The following POU6F2 variants were observed in gnomAD, a reference collection of about 807,000 sequenced individuals.
POU6F2 encodes the protein POU class 6 homeobox 2.
A neutral mutation model predicts 71.3 loss-of-function variants in POU6F2; 31 were observed. The observed-to-expected ratio is 0.43, with a 90% CI of 0.33 to 0.59. The LOEUF (loss-of-function observed/expected upper bound fraction) is 0.59, where lower values mean the gene tolerates loss of function less well. Among genes scored for constraint, POU6F2 ranks in the 20% least tolerant of loss-of-function variants. The pLI is 0.04. For missense variants in POU6F2, 783 were observed against 856.8 expected, an observed-to-expected ratio of 0.91 and a Z score of 1.07; for synonymous variants, 347 against 355.7, an observed-to-expected ratio of 0.98 and a Z score of 0.27.
Position 39,433,236 on chromosome 7 carries a change from A to C in POU6F2, c.1273A>C (p.Ile425Leu). Residue 425 changes from isoleucine to leucine, a missense_variant, in exon 7 of 10, where the codon ATC becomes CTC. Ile to Leu is a conservative substitution (Grantham distance 5). This residue lies in a region of POU6F2 where 572 missense variants were observed against 572.9 expected (regional missense o/e 1.00). Transcript: ENST00000518318. ...TVIGNQILPV[I>L]NTQGITLSPI... ...CATTGGGAACCAGATCCTGCCCGTG[A>C]TCAACACCCAGGGCATCACGCTGTC... The C allele has an allele frequency of 6.2e-7, 1 of 1,613,868 alleles. No individual in the cohort carries two copies. Among genetic ancestry groups the C allele is most frequent in the South Asian group, 1.1e-5 (1 of 91,076 alleles).
intron 7 of POU6F2, among the ~76,000 whole-genome samples, chr7:39,440,133 C>T (rs1344621700): frequency 2.6e-5 from 4 of 152,100 alleles, no homozygotes; most frequent in Admixed American, 6.5e-5. Context: ...TTCATTTTGC[C>T]CTTGGAGAAT....
intron 1 of POU6F2, among the ~76,000 whole-genome samples, chr7:39,027,550 G>T (rs964043476): frequency 1.3e-5 from 2 of 152,158 alleles, no homozygotes; most frequent in Admixed American, 1.3e-4. Context: ...TCCAATCAGA[G>T]CAGCTCTGCT....
intron 1 of POU6F2, among the ~76,000 whole-genome samples, chr7:39,000,156 T>C (rs910738031): frequency 4.6e-5 from 7 of 152,160 alleles, no homozygotes; most frequent in African/African-American, 1.7e-4. Context: ...TGGAGTTAAA[T>C]GCTTCTCCTC....
At chr7:39,208,042 A>G (rs1317993902) in intron 4 of POU6F2, among the ~76,000 whole-genome samples, 1 of 152,218 alleles carries the variant, frequency 6.6e-6, no homozygotes. Flanking sequence ...CAAATACAAG[A>G]TATTATTTGG....
At chr7:39,342,107 C>T (rs1279675172) in intron 5 of POU6F2, among the ~76,000 whole-genome samples, 5 of 152,266 alleles carry the variant, frequency 3.3e-5, no homozygotes, top group African/African-American at 9.6e-5. Context: ...GGAGCTGTTA[C>T]TCTAACTTCT....
intron 4 of POU6F2, among the ~76,000 whole-genome samples, chr7:39,276,758 T>C (rs1784447611): frequency 6.6e-6 from 1 of 152,008 alleles, no homozygotes; most frequent in Non-Finnish European, 1.5e-5. Context: ...TGTAGGGACA[T>C]GGATGAAATT....
At position 39,295,771 on chromosome 7, in the gene POU6F2, A is replaced by G. The variant is rs796218487; in HGVS notation, c.599-43871A>G. Among the ~76,000 whole-genome samples, 9 of 152,344 alleles carry G rather than the reference A, an allele frequency of 5.9e-5. 1 individual carries two copies. Among genetic ancestry groups the G allele is most frequent in the African/African-American group, 1.9e-4 (8 of 41,570 alleles). On this transcript the variant is annotated intron_variant, in intron 4 of 9. Transcript: ENST00000518318. ...ATAGACAATTGTCTAAAATTCATCC[A>G]CTAGAAATTTCTTCCAATATATAAT...
intron 4 of POU6F2, among the ~76,000 whole-genome samples, chr7:39,312,455 C>T (rs1356742824): frequency 6.6e-6 from 1 of 152,128 alleles, no homozygotes; most frequent in African/African-American, 2.4e-5. Context: ...AAAACGTGAC[C>T]TAAGTATTTT....
chr7:39,164,152 A>G (rs1793059865), intron 2 of POU6F2, among the ~76,000 whole-genome samples: 1 of 152,052 alleles, frequency 6.6e-6, no homozygotes, highest in Non-Finnish European at 1.5e-5. Flanking sequence ...TGAATTAGCC[A>G]TTCCGCAATG....
intron 2 of POU6F2, among the ~76,000 whole-genome samples, chr7:39,201,338 T>C (rs1793897988): frequency 1.3e-5 from 2 of 152,212 alleles, no homozygotes; most frequent in African/African-American, 4.8e-5. Flanking sequence ...TTTTAATATC[T>C]AAATTGGAAT....
chr7:39,015,939 T>C (rs1789510180), intron 1 of POU6F2, among the ~76,000 whole-genome samples: 1 of 94,638 alleles, frequency 1.1e-5, no homozygotes, highest in Non-Finnish European at 1.8e-5. Context: ...ATATAATATA[T>C]AGATATATAT....
chr7:39,133,367 G>A (rs1401844675), intron 2 of POU6F2, among the ~76,000 whole-genome samples: 1 of 152,216 alleles, frequency 6.6e-6, no homozygotes, highest in African/African-American at 2.4e-5. Flanking sequence ...CAATAGCTGT[G>A]ATTTCTAAAG....
intron 2 of POU6F2, among the ~76,000 whole-genome samples, chr7:39,152,333 A>G (rs564522046): frequency 6.6e-6 from 1 of 152,122 alleles, no homozygotes; most frequent in South Asian, 2.1e-4. Flanking sequence ...GCAGTTATTT[A>G]TTTTACTGGG....
chr7:39,250,679 A>G (rs1181172438), intron 4 of POU6F2, among the ~76,000 whole-genome samples: 1 of 152,214 alleles, frequency 6.6e-6, no homozygotes, highest in Non-Finnish European at 1.5e-5. Context: ...TTAATCCCAG[A>G]TGGCAGAATT....
intron 2 of POU6F2, among the ~76,000 whole-genome samples, chr7:39,139,729 G>C (rs1792458098): frequency 1.3e-5 from 2 of 152,154 alleles, no homozygotes. Flanking sequence ...ATTTCTGGGT[G>C]GTTCCACATG....
intron 1 of POU6F2, among the ~76,000 whole-genome samples, chr7:38,981,501 A>G (rs143765163): frequency 4.0e-5 from 6 of 151,858 alleles, no homozygotes; most frequent in Non-Finnish European, 7.4e-5. Context: ...TGCAGAACAG[A>G]GGATATTAAA....
At chr7:39,298,605 C>A (rs1018902593) in intron 4 of POU6F2, among the ~76,000 whole-genome samples, 11 of 152,284 alleles carry the variant, frequency 7.2e-5, no homozygotes, top group Admixed American at 2.6e-4. Context: ...GGCTATTCCT[C>A]AAGGATCTAG....
chr7:39,057,107 T>C (rs970827175), intron 1 of POU6F2, among the ~76,000 whole-genome samples: 2 of 152,174 alleles, frequency 1.3e-5, no homozygotes, highest in Non-Finnish European at 2.9e-5. Flanking sequence ...TGTGGCTTCC[T>C]CTCTCTTAAG....
At chr7:39,052,232 G>A (rs949221956) in intron 1 of POU6F2, among the ~76,000 whole-genome samples, 4 of 152,040 alleles carry the variant, frequency 2.6e-5, no homozygotes, top group East Asian at 1.9e-4. Flanking sequence ...TAGATACTGC[G>A]ACTGCAATAT....
Sources: gnomAD v4.1 joint callset for allele counts (sites outside exome capture counted in the v4.1 genomes callset) on GRCh38, gnomAD v4.1.1 for gene constraint, gnomAD v4.1.1 regional missense constraint, MANE v1.5 for transcripts, NCBI Gene and HGNC (gene_info 2026-07-23, HGNC 2026-07-21) for gene names.